Variants in XYLT1 observed in about 807,000 individuals in gnomAD.
XYLT1 encodes the protein beta-D-xylosyltransferase 1.
A neutral mutation model predicts 91.3 loss-of-function variants in XYLT1; 36 were observed. That is an observed-to-expected ratio of 0.39 (90% confidence interval 0.30 to 0.52). The LOEUF (loss-of-function observed/expected upper bound fraction) is 0.52. XYLT1 is among the 20% of genes least tolerant of loss of function. The pLI is 0.68. For missense variants in XYLT1, 1,242 were observed against 1,284.5 expected (o/e 0.97, Z 0.51); for synonymous variants, 588 against 532.0 (o/e 1.11, Z -1.45).
At chr16:17,377,712 C>T (rs1158380695) in intron 1 of XYLT1, among the ~76,000 whole-genome samples, 1 of 152,152 alleles carries the variant, frequency 6.6e-6, no homozygotes, top group Non-Finnish European at 1.5e-5. Context: ...CCAGACATGA[C>T]TTATTTTCTA....
chr16:17,133,865 G>T (rs749748748), intron 9 of XYLT1, among the ~76,000 whole-genome samples: 2 of 152,176 alleles, frequency 1.3e-5, no homozygotes, highest in Non-Finnish European at 2.9e-5. Context: ...CAATAGTTCT[G>T]CCTATTAATT....
At chr16:17,291,436 GTTA>G (rs2034224976) in intron 2 of XYLT1, among the ~76,000 whole-genome samples, 1 of 152,212 alleles carries the variant, frequency 6.6e-6, no homozygotes, top group Non-Finnish European at 1.5e-5. Flanking sequence ...CCTGCCCACT[GTTA>G]CCCACCTGGT....
chr16:17,470,667 C>A lies in XYLT1; in HGVS notation c.130G>T (p.Glu44Ter). 8.7e-7 allele frequency: 1 copy of A among 1,147,710 alleles called. No individual in the cohort carries two copies. The highest frequency in any genetic ancestry group is 1.1e-6 in the Non-Finnish European group (1 of 916,628). The allele number at this position is 1,147,710 out of a possible 1,614,324, so 71.1% of individuals were successfully genotyped here. ...NFSSLDSGAG[E>*]RRGGAAVGGG... ...CCGACCGCTGCGCCCCCGCGGCGCTCCCCGGCCCCGGAGTCGAGGCTGCTG... is the reference window on the plus strand; with the variant it reads ...CCGACCGCTGCGCCCCCGCGGCGCTACCCGGCCCCGGAGTCGAGGCTGCTG... The change falls in exon 1 of 12, where the codon GAG becomes TAG. Residue 44 changes from glutamate (E) to a stop codon, truncating the protein, a stop_gained. Transcript: ENST00000261381. LOFTEE classifies it high-confidence loss of function.
intron 1 of XYLT1, among the ~76,000 whole-genome samples, chr16:17,387,529 G>A (rs376536353): frequency 3.9e-5 from 6 of 152,152 alleles, no homozygotes; most frequent in African/African-American, 7.2e-5. Context: ...TATTATCAGC[G>A]TGATCATTAT....
intron 2 of XYLT1, chr16:17,338,103 C>A (rs899289481): frequency 4.6e-6 from 2 of 437,880 alleles, no homozygotes; most frequent in Non-Finnish European, 9.3e-6. Context: ...AAATCTGTCC[C>A]CTCCTTTCCT....
chr16:17,254,956 G>A (rs768389793), intron 3 of XYLT1, among the ~76,000 whole-genome samples: 1 of 151,694 alleles, frequency 6.6e-6, no homozygotes. Context: ...GGCCAAATCC[G>A]GCCCATGGCC....
Position 17,400,621 on chromosome 16 carries a change from GAGGA to G in XYLT1, c.364-42575_364-42572del, listed in dbSNP as rs1171320337. On this transcript the variant is annotated intron_variant, in intron 1 of 11. Transcript: ENST00000261381. ...AAAGAAAGAGAGGGAGGGAGGGAGG[GAGGA>G]AGGGAGGAAGGAAGGAAGGAAGGAA... 1.0e-3 allele frequency among the ~76,000 whole-genome samples: 119 copies of G among 116,828 alleles called. 2 individuals are homozygous for G. Among genetic ancestry groups the G allele is most frequent in the Admixed American group, 2.4e-3 (28 of 11,676 alleles). 76.6% of individuals were successfully genotyped at this position (116,828 alleles called of 152,430 possible). A position where few individuals can be genotyped will look rare whatever the true frequency, so the allele number is the denominator to read the frequency against.
Position 17,106,585 on chromosome 16 carries a change from G to A in XYLT1, c.*2110C>T, listed in dbSNP as rs551655828. On this transcript the variant is annotated 3_prime_UTR_variant, in exon 12 of 12. Transcript: ENST00000261381. The stretch of plus-strand genomic sequence containing the variant: ...GTCGCATGAATGCCCATAATTAGAT[G>A]GGCCATGGGAAGGCAACCACGGAGC... 9 of 152,136 alleles carry A rather than the reference G, an allele frequency of 5.9e-5. No homozygotes were observed. The highest frequency in any genetic ancestry group is 1.0e-4 in the Non-Finnish European group (7 of 68,058). 9.4% of individuals were successfully genotyped at this position (152,136 alleles called of 1,614,324 possible).
intron 2 of XYLT1, among the ~76,000 whole-genome samples, chr16:17,324,645 T>C (rs532644137): frequency 2.0e-5 from 3 of 152,344 alleles, no homozygotes; most frequent in Admixed American, 2.0e-4. Flanking sequence ...CACTGGTCCA[T>C]GGACCGACAA....
intron 5 of XYLT1, among the ~76,000 whole-genome samples, chr16:17,181,557 A>G (rs2032069816): frequency 6.6e-6 from 1 of 152,150 alleles, no homozygotes; most frequent in South Asian, 2.1e-4. Context: ...TAACAATCCT[A>G]TGAGGAAAGT....
chr16:17,357,180 A>C (rs2035310272), intron 2 of XYLT1, among the ~76,000 whole-genome samples: 1 of 134,844 alleles, frequency 7.4e-6, no homozygotes, highest in African/African-American at 3.6e-5. Context: ...CTCAAAAAAA[A>C]AAAAAAAAAA....
intron 1 of XYLT1, among the ~76,000 whole-genome samples, chr16:17,458,367 C>T (rs2036772103): frequency 6.6e-6 from 1 of 152,154 alleles, no homozygotes; most frequent in Non-Finnish European, 1.5e-5. Context: ...TACAAATACT[C>T]AACGTGAAGC....
At chr16:17,409,348 C>T (rs961151908) in intron 1 of XYLT1, among the ~76,000 whole-genome samples, 4 of 152,126 alleles carry the variant, frequency 2.6e-5, no homozygotes, top group Non-Finnish European at 5.9e-5. Flanking sequence ...TGCTATTTCT[C>T]GACAGTTCCT....
intron 2 of XYLT1, among the ~76,000 whole-genome samples, chr16:17,336,780 G>T (rs771727830): frequency 1.3e-5 from 2 of 152,150 alleles, no homozygotes; most frequent in African/African-American, 4.8e-5. Context: ...ATGTGTGTCC[G>T]ACTGGCCTTG....
At chr16:17,173,035 T>TAACA (rs34679721) in intron 5 of XYLT1, among the ~76,000 whole-genome samples, 34,489 of 151,100 alleles carry the variant, frequency 0.23, 4,321 homozygotes, top group South Asian at 0.46. Flanking sequence ...AGTGCTTTAC[T>TAACA]AACAAACAAA....
At chr16:17,296,208 C>G (rs189498084) in intron 2 of XYLT1, among the ~76,000 whole-genome samples, 2 of 151,988 alleles carry the variant, frequency 1.3e-5, no homozygotes, top group Admixed American at 1.3e-4. Context: ...AGGGAGCAGT[C>G]CAAGGGAACA....
chr16:17,390,569 G>C (rs930565720), intron 1 of XYLT1, among the ~76,000 whole-genome samples: 3 of 152,218 alleles, frequency 2.0e-5, no homozygotes, highest in African/African-American at 7.2e-5. Context: ...AAAGAGGTCT[G>C]ATCTAACCAA....
chr16:17,254,895 A>G (rs552453839), intron 3 of XYLT1, among the ~76,000 whole-genome samples: 3 of 152,304 alleles, frequency 2.0e-5, no homozygotes, highest in African/African-American at 4.8e-5. Flanking sequence ...TCAAGGGTCA[A>G]CTATAGACAG....
At chr16:17,395,597 A>G (rs1393333543) in intron 1 of XYLT1, among the ~76,000 whole-genome samples, 1 of 151,626 alleles carries the variant, frequency 6.6e-6, no homozygotes, top group Non-Finnish European at 1.5e-5. Context: ...AATCATAATA[A>G]TTATTCTTGC....
Sources: allele counts gnomAD v4.1 joint callset (sites outside exome capture counted in the v4.1 genomes callset), GRCh38; gene constraint gnomAD v4.1.1; transcripts MANE v1.5; gene names NCBI Gene and HGNC (gene_info 2026-07-23, HGNC 2026-07-21).